Variants in EYS observed in about 807,000 individuals in gnomAD.
EYS encodes the protein protein eyes shut homolog.
A neutral mutation model predicts 282.1 loss-of-function variants in EYS; 250 were observed. The observed-to-expected ratio is 0.89, with a 90% CI of 0.80 to 0.98. The LOEUF is 0.98. Among genes scored for constraint, EYS ranks in the 50% least tolerant of loss-of-function variants. The pLI, the probability that EYS is intolerant of heterozygous loss-of-function variation, is 0.00. For synonymous variants in EYS, 1,355 were observed against 1,282.9 expected (o/e 1.06, Z -1.20); for missense variants, 4,016 against 3,709.0 (o/e 1.08, Z -2.15).
chr6:65,103,396 A>G (rs1055272339), intron 12 of EYS, among the ~76,000 whole-genome samples: 2 of 151,464 alleles, frequency 1.3e-5, no homozygotes, highest in African/African-American at 2.4e-5. Context: ...CTAACATCCA[A>G]TAGAGCTTTT....
At chr6:63,986,043 ATCTAG>A (rs1767346729) in intron 34 of EYS, among the ~76,000 whole-genome samples, 2 of 151,908 alleles carry the variant, frequency 1.3e-5, no homozygotes, top group Non-Finnish European at 1.5e-5. Flanking sequence ...AAGGTCTAAT[ATCTAG>A]CATCTATAAG....
chr6:63,789,198 C>T lies in EYS; in HGVS notation c.7438G>A (p.Val2480Met), dbSNP rs1562026957. ...HGLNGDDFLA[V>M]GLLNGSVVYS... Reference sequence around the variant, plus strand: ...ACCACACTGCCATTGAGCAGGCCCACAGCCAGGAAGTCATCGCCATTCAAC... The same window carrying T: ...ACCACACTGCCATTGAGCAGGCCCATAGCCAGGAAGTCATCGCCATTCAAC... The change falls in exon 38 of 43, where the codon GTG (valine) becomes ATG (methionine). Residue 2480 changes from valine (V) to methionine (M), a missense_variant. Physicochemically the swap from Val to Met is conservative, Grantham distance 21. Transcript: ENST00000503581. 3.2e-6 allele frequency: 5 copies of T among 1,551,860 alleles called. No homozygotes were observed. The highest frequency in any genetic ancestry group is 4.4e-6 in the Non-Finnish European group (5 of 1,146,954).
chr6:64,563,182 C>A (rs1765454160), intron 26 of EYS, among the ~76,000 whole-genome samples: 1 of 151,964 alleles, frequency 6.6e-6, no homozygotes, highest in Non-Finnish European at 1.5e-5. Context: ...TCAATGACCA[C>A]CTAAGTTCTC....
Position 64,163,735 on chromosome 6 carries a change from A to G in EYS, c.6424+66857T>C, listed in dbSNP as rs539144819. 5.9e-5 allele frequency among the ~76,000 whole-genome samples: 9 copies of G among 152,206 alleles called. No individual in the cohort carries two copies. In the South Asian group the frequency reaches 1.9e-3, roughly 32 times the overall value. On this transcript the variant is annotated intron_variant, in intron 31 of 42. Coordinates refer to ENST00000503581, the MANE Select transcript of EYS (RefSeq NM_001142800.2). ...CAAAAGGATTTTTTTAAAAAAATTT[A>G]ATCTGGCACTTTAGAAAAATATGTG...
intron 7 of EYS, among the ~76,000 whole-genome samples, chr6:65,396,314 T>C (rs890315918): frequency 2.0e-5 from 3 of 152,124 alleles, no homozygotes; most frequent in Non-Finnish European, 4.4e-5. Flanking sequence ...ATAATCTTAA[T>C]GTTAAGTATT....
chr6:65,649,376 C>G (rs1767573987), intron 1 of EYS, among the ~76,000 whole-genome samples: 1 of 151,960 alleles, frequency 6.6e-6, no homozygotes, highest in South Asian at 2.1e-4. Context: ...TCTTAAAACA[C>G]ACACACACAC....
At chr6:64,697,110 C>A (rs377221503) in intron 22 of EYS, among the ~76,000 whole-genome samples, 1 of 151,884 alleles carries the variant, frequency 6.6e-6, no homozygotes, top group Non-Finnish European at 1.5e-5. Context: ...AAATATAGTT[C>A]GGCAGTGTGG....
At chr6:65,680,507 CAGTAA>C (rs1768777586) in intron 1 of EYS, among the ~76,000 whole-genome samples, 1 of 151,840 alleles carries the variant, frequency 6.6e-6, no homozygotes, top group African/African-American at 2.4e-5. Context: ...CTATTAATGA[CAGTAA>C]AGTAAACTAG....
At chr6:65,386,432 T>C (rs374309168) in intron 7 of EYS, among the ~76,000 whole-genome samples, 97 of 151,828 alleles carry the variant, frequency 6.4e-4, no homozygotes, top group African/African-American at 2.3e-3. Context: ...AGGGAAAACT[T>C]TCCTACTGAG....
chr6:65,118,178 G>A (rs1209658385), intron 12 of EYS, among the ~76,000 whole-genome samples: 2 of 152,142 alleles, frequency 1.3e-5, no homozygotes, highest in Non-Finnish European at 2.9e-5. Flanking sequence ...CACGTTGGCA[G>A]CATTTGAGGT....
chr6:64,399,999 T>C (rs1265856964), intron 28 of EYS, among the ~76,000 whole-genome samples: 2 of 151,942 alleles, frequency 1.3e-5, no homozygotes, highest in Non-Finnish European at 2.9e-5. Context: ...TGATTAGCCT[T>C]TGACTATCAA....
intron 26 of EYS, among the ~76,000 whole-genome samples, chr6:64,517,953 T>A (rs1777615382): frequency 6.6e-6 from 1 of 151,880 alleles, no homozygotes; most frequent in African/African-American, 2.4e-5. Context: ...ATGTTGCCTA[T>A]GTTTCATTCA....
At chr6:64,093,158 C>A (rs1332957277) in intron 31 of EYS, among the ~76,000 whole-genome samples, 29 of 143,146 alleles carry the variant, frequency 2.0e-4, no homozygotes, top group African/African-American at 4.5e-4. Context: ...TTACTGTAGC[C>A]TTGTAGGATA....
chr6:65,421,270 C>T lies in EYS; in HGVS notation c.863-15903G>A, dbSNP rs554454890. Among the ~76,000 whole-genome samples, 11 of 151,748 alleles carry T rather than the reference C, an allele frequency of 7.2e-5. No homozygotes were observed. In the South Asian group the frequency reaches 2.3e-3, roughly 31 times the overall value. On this transcript the variant is annotated intron_variant, in intron 5 of 42. Transcript: ENST00000503581. ...AGCTAGATCAGGAATTCCTGCTTCA[C>T]ATTGCACTATTATGTTATGGAAGTA...
intron 5 of EYS, among the ~76,000 whole-genome samples, chr6:65,487,041 C>T (rs909186512): frequency 7.2e-5 from 11 of 152,144 alleles, no homozygotes; most frequent in Admixed American, 5.9e-4. Flanking sequence ...TGAGACTTTG[C>T]TGAAGTTCCT....
chr6:65,677,692 A>G (rs1023643005), intron 1 of EYS, among the ~76,000 whole-genome samples: 2 of 151,988 alleles, frequency 1.3e-5, no homozygotes, highest in Non-Finnish European at 2.9e-5. Context: ...TTTTTCAGAA[A>G]TAGACAAAAT....
chr6:64,741,845 G>C lies in EYS; in HGVS notation c.3443+71533C>G, dbSNP rs367757900. Among the ~76,000 whole-genome samples the C allele has an allele frequency of 5.3e-4, 80 of 152,244 alleles. No homozygotes were observed. The South Asian group carries it at 0.017, about 32-fold the overall frequency. ...GGGTCTTGCTCTGGATTAGAGTTTT[G>C]GCTAAAGAGAATGTCATACCTGGTT... On this transcript the variant is annotated intron_variant, in intron 22 of 42. Transcript: ENST00000503581.
At chr6:65,556,409 GTA>G (rs879378929) in intron 2 of EYS, among the ~76,000 whole-genome samples, 26 of 150,306 alleles carry the variant, frequency 1.7e-4, no homozygotes, top group South Asian at 1.1e-3. Context: ...GTGTGTGTGT[GTA>G]TGTGTGACTA....
At chr6:65,418,302 T>G (rs1214587961) in intron 5 of EYS, among the ~76,000 whole-genome samples, 1 of 152,032 alleles carries the variant, frequency 6.6e-6, no homozygotes, top group Non-Finnish European at 1.5e-5. Context: ...CAAATGGTAT[T>G]TCTGGTTCTA....
Sources: allele counts gnomAD v4.1 joint callset (sites outside exome capture counted in the v4.1 genomes callset), GRCh38; gene constraint gnomAD v4.1.1; transcripts MANE v1.5; gene names NCBI Gene and HGNC (gene_info 2026-07-23, HGNC 2026-07-21).